EOMES: variants seen among roughly 807,000 people sequenced by gnomAD.
EOMES encodes the protein eomesodermin.
A neutral mutation model predicts 61.0 loss-of-function variants in EOMES; 18 were observed. The ratio of observed to expected loss-of-function variants is 0.30; its 90% CI spans 0.20 to 0.44. The LOEUF (loss-of-function observed/expected upper bound fraction) is 0.44, where lower values mean the gene tolerates loss of function less well. EOMES is among the 20% of genes least tolerant of loss of function. The pLI is 1.00. For missense variants in EOMES, 885 were observed against 939.2 expected (o/e 0.94, Z 0.75); for synonymous variants, 430 against 394.0 (o/e 1.09, Z -1.08).
At position 27,721,074 on chromosome 3, in the gene EOMES, A is replaced by T. The variant is rs1421348655; in HGVS notation, c.881+340T>A. On this transcript the variant is annotated intron_variant, in intron 1 of 5. Coordinates refer to ENST00000449599, the MANE Select transcript of EOMES (RefSeq NM_001278182.2). This position sits in a 1 kb window ranked among gnomAD's most constrained non-coding sequence, Gnocchi z 7.4. ...CGTGGCTCCTTGCCGGCATGCAGGC[A>T]TGCACAAGCATACCGCCGAGCAGGA... Among the ~76,000 whole-genome samples the T allele has an allele frequency of 6.6e-6, 1 of 152,226 alleles. No homozygotes were observed. Among genetic ancestry groups the T allele is most frequent in the East Asian group, 1.9e-4 (1 of 5,182 alleles).
chr3:27,716,009 G>A lies in EOMES; in HGVS notation c.*1061C>T, dbSNP rs2060566974. The A allele has an allele frequency of 1.3e-5, 2 of 152,116 alleles. No individual in the cohort carries two copies. The highest frequency in any genetic ancestry group is 4.1e-4 in the South Asian group (2 of 4,828). 9.4% of individuals were successfully genotyped at this position (152,116 alleles called of 1,614,324 possible). A position where few individuals can be genotyped will look rare whatever the true frequency, so the allele number is the denominator to read the frequency against. On this transcript the variant is annotated 3_prime_UTR_variant, in exon 6 of 6. Transcript: ENST00000449599. ...ACTAAGACTGTACATAAAAATCCAA[G>A]ATCTCTAAAATGCCTATAGGAGCTG...
upstream of EOMES, chr3:27,722,690 C>T (rs1268074756): frequency 3.0e-6 from 3 of 1,010,360 alleles, no homozygotes; most frequent in African/African-American, 1.7e-5. Flanking sequence ...GCCAAAGCAT[C>T]GGTCAAGTTG....
Position 27,721,300 on chromosome 3 carries a change from C to G in EOMES, c.881+114G>C. On this transcript the variant is annotated intron_variant, in intron 1 of 5. Transcript: ENST00000449599. This position sits in a 1 kb window ranked among gnomAD's most constrained non-coding sequence, Gnocchi z 7.4. ...CGGAGATTTATTGCGCGCGGTGAAACACTCTAAGCACCGCGCGGAACAACT... is the reference window on the plus strand; with the variant it reads ...CGGAGATTTATTGCGCGCGGTGAAAGACTCTAAGCACCGCGCGGAACAACT... The G allele has an allele frequency of 1.2e-6, 1 of 800,662 alleles. No homozygotes were observed. Among genetic ancestry groups the G allele is most frequent in the Non-Finnish European group, 2.0e-6 (1 of 507,764 alleles). 49.6% of individuals were successfully genotyped at this position (800,662 alleles called of 1,614,324 possible). A position where few individuals can be genotyped will look rare whatever the true frequency, so the allele number is the denominator to read the frequency against.
Position 27,721,647 on chromosome 3 carries a change from A to T in EOMES, c.648T>A (p.Ser216Arg). 1 of 1,539,760 alleles carries T rather than the reference A, an allele frequency of 6.5e-7. No homozygotes were observed. Among genetic ancestry groups the T allele is most frequent in the Non-Finnish European group, 8.7e-7 (1 of 1,146,148 alleles). The change falls in exon 1 of 6, where the codon AGT becomes AGA. Residue 216 changes from serine (S) to arginine (R), a missense_variant. This residue lies in a region of EOMES where 449 missense variants were observed against 383.6 expected (regional missense o/e 1.17). Coordinates refer to ENST00000449599, the MANE Select transcript of EOMES (RefSeq NM_001278182.2). The surrounding 1 kb of genome is among the most constrained non-coding windows in gnomAD (Gnocchi z 7.4). The part of the protein sequence containing the change: ...AQFGPGAGAG[S>R]GAGGSSGGGG... Reference sequence around the variant, plus strand: ...CCCCGCCGCTGCTACCGCCCGCGCCACTGCCCGCACCGGCTCCTGGGCCGA... The same window carrying T: ...CCCCGCCGCTGCTACCGCCCGCGCCTCTGCCCGCACCGGCTCCTGGGCCGA...
Position 27,717,625 on chromosome 3 carries a change from G to A in EOMES, c.1563C>T (p.Leu521=), listed in dbSNP as rs370649974. 121 of 1,614,042 alleles carry A rather than the reference G, an allele frequency of 7.5e-5. No homozygotes were observed. Among genetic ancestry groups the A allele is most frequent in the Middle Eastern group, 1.6e-4 (1 of 6,084 alleles). The change falls in exon 6 of 6, where the codon CTC becomes CTT. Residue 521 remains leucine (L), a synonymous_variant. Coordinates refer to ENST00000449599, the MANE Select transcript of EOMES (RefSeq NM_001278182.2). This position sits in a 1 kb window ranked among gnomAD's most constrained non-coding sequence, Gnocchi z 4.5. ...GERTVPQTNG[L]LSPQQSEEVA... ...CCTCTTCGCTCTGTTGGGGTGAAAG[G>A]AGGCCGTTGGTCTGTGGCACGGTTC...
In EOMES at chr3:27,717,048, T is replaced by C. The variant is rs1367439923; in HGVS notation, c.*22A>G. ...AGTCCATCTGCAAAAAGTTAGCTAA[T>C]TTTTGAGGTTAAAATAACTCTTTAG... is the stretch of plus-strand genomic sequence containing the variant. On this transcript the variant is annotated 3_prime_UTR_variant, in exon 6 of 6. Transcript: ENST00000449599. This position sits in a 1 kb window ranked among gnomAD's most constrained non-coding sequence, Gnocchi z 4.5. 3 of 1,564,960 alleles carry C rather than the reference T, an allele frequency of 1.9e-6. No individual in the cohort carries two copies. The highest frequency in any genetic ancestry group is 2.7e-5 in the African/African-American group (2 of 73,356).
intron 2 of EOMES, 120 bp downstream of exon 2, chr3:27,720,051 C>T: frequency 4.3e-6 from 4 of 940,640 alleles, no homozygotes; most frequent in Non-Finnish European, 6.4e-6. Flanking sequence ...ACTAACACCT[C>T]TAGGCCTCAG....
Position 27,721,308 on chromosome 3 carries a change from G to T in EOMES, c.881+106C>A. 1.1e-6 allele frequency: 1 copy of T among 891,036 alleles called. No homozygotes were observed. The allele number at this position is 891,036 out of a possible 1,614,324, so 55.2% of individuals were successfully genotyped here. On this transcript the variant is annotated intron_variant, in intron 1 of 5. Transcript: ENST00000449599. The surrounding 1 kb of genome is among the most constrained non-coding windows in gnomAD (Gnocchi z 7.4). ...TATTGCGCGCGGTGAAACACTCTAA[G>T]CACCGCGCGGAACAACTGGGTTCAG...
chr3:27,716,071 A>G lies in EOMES; in HGVS notation c.*999T>C, dbSNP rs2060567284. 1 of 152,270 alleles carries G rather than the reference A, an allele frequency of 6.6e-6. No homozygotes were observed. Among genetic ancestry groups the G allele is most frequent in the African/African-American group, 2.4e-5 (1 of 41,460 alleles). The allele number at this position is 152,270 out of a possible 1,614,324, so 9.4% of individuals were successfully genotyped here. A position where few individuals can be genotyped will look rare whatever the true frequency, so the allele number is the denominator to read the frequency against. On this transcript the variant is annotated 3_prime_UTR_variant, in exon 6 of 6. Transcript: ENST00000449599. ...TTTAGTTTCTTCACATTACCAAGTT[A>G]GGGAGAGGGGATGGCGCAAGAAGAG...
rs1176484491 is a variant in EOMES, at chr3:27,717,224, T to C, written c.1964A>G (p.Tyr655Cys). 2 of 1,614,044 alleles carry C rather than the reference T, an allele frequency of 1.2e-6. No homozygotes were observed. The highest frequency in any genetic ancestry group is 3.3e-5 in the Admixed American group (2 of 60,022). ...CCGCCTTCGCTTACAAGCACTGGTGTATACTCCTGAATCATTGGAATCTAG... is the reference window on the plus strand; with the variant it reads ...CCGCCTTCGCTTACAAGCACTGGTGCATACTCCTGAATCATTGGAATCTAG... ...KSLDSNDSGVYTSACKRRRLS... is the reference protein window; with the variant it reads ...KSLDSNDSGVCTSACKRRRLS... Residue 655 changes from tyrosine to cysteine, a missense_variant, in exon 6 of 6, where the codon TAC becomes TGC. Physicochemically the swap from Tyr to Cys is radical, Grantham distance 194. Coordinates refer to ENST00000449599, the MANE Select transcript of EOMES (RefSeq NM_001278182.2). This position sits in a 1 kb window ranked among gnomAD's most constrained non-coding sequence, Gnocchi z 4.5.
chr3:27,717,606 C>T lies in EOMES; in HGVS notation c.1582G>A (p.Glu528Lys), dbSNP rs749476578. The T allele has an allele frequency of 1.1e-5, 18 of 1,614,028 alleles. No individual in the cohort carries two copies. Among genetic ancestry groups the T allele is most frequent in the East Asian group, 6.7e-5 (3 of 44,886 alleles). Reference sequence around the variant, plus strand: ...CGCTGGGGAGGGTTGGCCACCTCTTCGCTCTGTTGGGGTGAAAGGAGGCCG... The same window carrying T: ...CGCTGGGGAGGGTTGGCCACCTCTTTGCTCTGTTGGGGTGAAAGGAGGCCG... Reference protein sequence around the residue: ...TNGLLSPQQSEEVANPPQRWL... With the variant: ...TNGLLSPQQSKEVANPPQRWL... The change falls in exon 6 of 6, where the codon GAA (glutamate) becomes AAA (lysine). Residue 528 changes from glutamate (E) to lysine (K), a missense_variant. By Grantham distance (56) the Glu-to-Lys change is moderately conservative. This residue lies in a region of EOMES where 259 missense variants were observed against 282.3 expected (regional missense o/e 0.92). Transcript: ENST00000449599. The surrounding 1 kb of genome is among the most constrained non-coding windows in gnomAD (Gnocchi z 4.5).
chr3:27,720,484 T>C (rs1259200302), intron 1 of EOMES, among the ~76,000 whole-genome samples, 159 bp from the exon 2 acceptor site: 1 of 133,306 alleles, frequency 7.5e-6, no homozygotes, highest in Non-Finnish European at 1.5e-5. Flanking sequence ...TCTGAAACTA[T>C]GTAAAATATT....
At position 27,717,596 on chromosome 3, in the gene EOMES, G is replaced by A; in HGVS notation, c.1592C>T (p.Ala531Val). The A allele has an allele frequency of 6.2e-7, 1 of 1,614,178 alleles. No individual in the cohort carries two copies. The highest frequency in any genetic ancestry group is 8.5e-7 in the Non-Finnish European group (1 of 1,180,010). Residue 531 changes from alanine to valine, a missense_variant, in exon 6 of 6, where the codon GCC becomes GTC. This residue lies in a region of EOMES where 259 missense variants were observed against 282.3 expected (regional missense o/e 0.92). Coordinates refer to ENST00000449599, the MANE Select transcript of EOMES (RefSeq NM_001278182.2). The surrounding 1 kb of genome is among the most constrained non-coding windows in gnomAD (Gnocchi z 4.5). ...GACAAGCCACCGCTGGGGAGGGTTG[G>A]CCACCTCTTCGCTCTGTTGGGGTGA... ...LLSPQQSEEVANPPQRWLVTP... is the reference protein window; with the variant it reads ...LLSPQQSEEVVNPPQRWLVTP...
At chr3:27,720,475 CT>C in intron 1 of EOMES, 150 bp from the exon 2 acceptor site, 1 of 329,848 alleles carries the variant, frequency 3.0e-6, no homozygotes, top group Admixed American at 5.1e-5. Flanking sequence ...ATCAAGTGGT[CT>C]GAAACTATGT....
chr3:27,717,427 G>T lies in EOMES; in HGVS notation c.1761C>A (p.Thr587=). The change falls in exon 6 of 6, where the codon ACC becomes ACA. Residue 587 remains threonine, a synonymous_variant. Coordinates refer to ENST00000449599, the MANE Select transcript of EOMES (RefSeq NM_001278182.2). This position sits in a 1 kb window ranked among gnomAD's most constrained non-coding sequence, Gnocchi z 4.5. ...CTCCCCACCCTGCCATTGCAGGAAAGGTTGGGTCTGGGTAATACCCCAGGG... is the reference window on the plus strand; with the variant it reads ...CTCCCCACCCTGCCATTGCAGGAAATGTTGGGTCTGGGTAATACCCCAGGG... ...SHALGYYPDP[T]FPAMAGWGGR... is the part of the protein sequence containing the mutation. 6.2e-7 allele frequency: 1 copy of T among 1,614,218 alleles called. No homozygotes were observed. The highest frequency in any genetic ancestry group is 8.5e-7 in the Non-Finnish European group (1 of 1,180,034).
rs964435966 is a variant in EOMES, at chr3:27,721,911, A to G, written c.384T>C (p.Ala128=). The G allele has an allele frequency of 1.5e-5, 19 of 1,304,202 alleles. No individual in the cohort carries two copies. Among genetic ancestry groups the G allele is most frequent in the Non-Finnish European group, 1.7e-5 (17 of 1,012,056 alleles). 80.8% of individuals were successfully genotyped at this position (1,304,202 alleles called of 1,614,324 possible). A position where few individuals can be genotyped will look rare whatever the true frequency, so the allele number is the denominator to read the frequency against. Residue 128 remains alanine, a synonymous_variant, in exon 1 of 6, where the codon GCT becomes GCC. Transcript: ENST00000449599. The surrounding 1 kb of genome is among the most constrained non-coding windows in gnomAD (Gnocchi z 7.4). ...CCATGGAGTAGCGCGCAGTGGCCGC[A>G]GCCGCGGCGGCGGCGGCGGCGGCGG... is the stretch of plus-strand genomic sequence containing the variant. The part of the protein sequence containing the change: ...AAAAAAAAAA[A]AATARYSMDS...
Position 27,717,799 on chromosome 3 carries a change from G to T in EOMES, c.1389C>A (p.Thr463=), listed in dbSNP as rs1018511348. ...GFRDNYDSMY[T]ASENDRLTPS... Reference sequence around the variant, plus strand: ...GAGTTAACCTGTCATTTTCTGAAGCGGTGTACATGCTACAATATAAAGAGA... The same window carrying T: ...GAGTTAACCTGTCATTTTCTGAAGCTGTGTACATGCTACAATATAAAGAGA... The change falls in exon 6 of 6, where the codon ACC becomes ACA. Residue 463 remains threonine, a synonymous_variant. Transcript: ENST00000449599. This position sits in a 1 kb window ranked among gnomAD's most constrained non-coding sequence, Gnocchi z 4.5. The T allele has an allele frequency of 1.2e-6, 2 of 1,604,814 alleles. No individual in the cohort carries two copies. Among genetic ancestry groups the T allele is most frequent in the Non-Finnish European group, 8.5e-7 (1 of 1,174,468 alleles).
intron 3 of EOMES, 125 bp from the exon 4 acceptor site, chr3:27,719,018 T>C: frequency 1.3e-6 from 1 of 745,166 alleles, no homozygotes; most frequent in Non-Finnish European, 2.1e-6. Flanking sequence ...AACAGCTTTG[T>C]TTATTGCAAG....
At chr3:27,719,169 T>A (rs976191556) in intron 3 of EOMES, among the ~76,000 whole-genome samples, 191 bp downstream of exon 3, 2 of 151,926 alleles carry the variant, frequency 1.3e-5, no homozygotes, top group African/African-American at 4.8e-5. Flanking sequence ...AATAGTCAAC[T>A]CACTGTTATC....
Sources: allele counts gnomAD v4.1 joint callset (sites outside exome capture counted in the v4.1 genomes callset), GRCh38; gene constraint gnomAD v4.1.1; regional missense constraint gnomAD v4.1.1; non-coding constraint Gnocchi (gnomAD v3.1); transcripts MANE v1.5; gene names NCBI Gene and HGNC (gene_info 2026-07-23, HGNC 2026-07-21).